DIPK1B: variants seen among roughly 807,000 people sequenced by gnomAD.
The protein encoded by DIPK1B is divergent protein kinase domain 1B, also known as family with sequence similarity 69 member B.
DIPK1B carries 17 observed loss-of-function variants against 20.7 expected under a neutral mutation model. The observed-to-expected ratio is 0.82, with a 90% CI of 0.56 to 1.23. The LOEUF (loss-of-function observed/expected upper bound fraction) is 1.23, where lower values mean the gene tolerates loss of function less well. DIPK1B is among the 50% of genes most tolerant of loss of function. The pLI, the probability that DIPK1B is intolerant of heterozygous loss-of-function variation, is 0.00. For synonymous variants in DIPK1B, 343 were observed against 276.5 expected, an observed-to-expected ratio of 1.24 and a Z score of -2.39; for missense variants, 648 against 601.8, an observed-to-expected ratio of 1.08 and a Z score of -0.80.
At chr9:136,717,829 G>A in intron 2 of DIPK1B, 118 bp downstream of exon 2, 3 of 1,474,128 alleles carry the variant, frequency 2.0e-6, no homozygotes, top group Middle Eastern at 1.8e-4. Flanking sequence ...AGGCACGTGG[G>A]TTTCTAGGTG....
chr9:136,718,292 C>T (rs549407720), intron 2 of DIPK1B, among the ~76,000 whole-genome samples: 2 of 151,746 alleles, frequency 1.3e-5, no homozygotes, highest in East Asian at 1.9e-4. Flanking sequence ...TAGAGACCCC[C>T]GTGTGCTGGC....
At chr9:136,713,699 G>C (rs1190725781) in intron 1 of DIPK1B, among the ~76,000 whole-genome samples, 2 of 152,258 alleles carry the variant, frequency 1.3e-5, no homozygotes, top group African/African-American at 2.4e-5. Context: ...TCGACCAGCA[G>C]CTGCAGAAGA....
intron 1 of DIPK1B, among the ~76,000 whole-genome samples, chr9:136,717,354 C>T (rs1455142964): frequency 2.6e-5 from 4 of 152,214 alleles, no homozygotes; most frequent in Non-Finnish European, 4.4e-5. Flanking sequence ...CCCCCACCTC[C>T]GGCCCCTGCA....
At chr9:136,715,405 A>G (rs1299733303) in intron 1 of DIPK1B, among the ~76,000 whole-genome samples, 1 of 152,152 alleles carries the variant, frequency 6.6e-6, no homozygotes, top group Non-Finnish European at 1.5e-5. Context: ...GCCGGTAGGG[A>G]AACCAAGGCA....
intron 2 of DIPK1B, 22 bp downstream of exon 2, chr9:136,717,733 TG>T (rs1846520617): frequency 1.2e-6 from 2 of 1,609,972 alleles, no homozygotes; most frequent in Non-Finnish European, 1.7e-6. Flanking sequence ...TTGTGCGGGC[TG>T]GGGACTGGGC....
At chr9:136,718,570 C>G (rs996694913) in intron 2 of DIPK1B, among the ~76,000 whole-genome samples, 1 of 152,196 alleles carries the variant, frequency 6.6e-6, no homozygotes, top group African/African-American at 2.4e-5. Flanking sequence ...CTGGGCAGGT[C>G]CCCCACTGAA....
Position 136,723,339 on chromosome 9 carries a change from C to T in DIPK1B, c.861C>T (p.His287=), listed in dbSNP as rs768146053. 49 of 1,613,224 alleles carry T rather than the reference C, an allele frequency of 3.0e-5. No individual in the cohort carries two copies. The East Asian group carries it at 8.5e-4, about 28-fold the overall frequency. Residue 287 remains histidine, a synonymous_variant, in exon 5 of 5, where the codon CAC becomes CAT. Coordinates refer to ENST00000371692, the MANE Select transcript of DIPK1B (RefSeq NM_152421.4). ...GLLEFVEELF[H]GSYGTFYMCE... The stretch of plus-strand genomic sequence containing the variant: ...TGGAGTTCGTGGAGGAGCTCTTCCA[C>T]GGCTCTTACGGGACTTTCTACATGT...
intron 2 of DIPK1B, among the ~76,000 whole-genome samples, chr9:136,720,033 C>T (rs1392309495): frequency 1.4e-5 from 2 of 140,398 alleles, no homozygotes; most frequent in Non-Finnish European, 3.1e-5. Flanking sequence ...GTTCCAGGCG[C>T]AGGGGCTGGT....
rs541805993 is a variant in DIPK1B, at chr9:136,721,625, G to A, written c.199-296G>A. ...CCCTGGCGTGGGGTCGACACTGGGT[G>A]TGGTGTGTGTCTCATGTCCAGGCAG... On this transcript the variant is annotated intron_variant, in intron 2 of 4. Coordinates refer to ENST00000371692, the MANE Select transcript of DIPK1B (RefSeq NM_152421.4). The A allele has an allele frequency of 2.0e-5, 8 of 394,524 alleles. No homozygotes were observed. In the East Asian group the frequency reaches 4.0e-4, roughly 20 times the overall value. 24.4% of individuals were successfully genotyped at this position (394,524 alleles called of 1,614,324 possible). A position where few individuals can be genotyped will look rare whatever the true frequency, so the allele number is the denominator to read the frequency against.
intron 1 of DIPK1B, among the ~76,000 whole-genome samples, chr9:136,714,870 G>A (rs1002723843): frequency 9.9e-5 from 15 of 152,208 alleles, no homozygotes; most frequent in Non-Finnish European, 1.8e-4. Flanking sequence ...AGTGGATGCC[G>A]GGGAAGCAGG....
chr9:136,723,464 T>G lies in DIPK1B; in HGVS notation c.986T>G (p.Leu329Arg). 6.2e-7 allele frequency: 1 copy of G among 1,610,462 alleles called. No individual in the cohort carries two copies. ...VAPEATVRRF[L>R]QGRRCEHSTD... ...CCCGAGGCCACCGTGCGCCGCTTCC[T>G]GCAGGGCCGCCGCTGCGAGCACAGC... Residue 329 changes from leucine to arginine, a missense_variant, in exon 5 of 5, where the codon CTG becomes CGG. Physicochemically the swap from Leu to Arg is moderately radical, Grantham distance 102. Coordinates refer to ENST00000371692, the MANE Select transcript of DIPK1B (RefSeq NM_152421.4).
At chr9:136,719,267 C>CA (rs1846552033) in intron 2 of DIPK1B, among the ~76,000 whole-genome samples, 1 of 152,256 alleles carries the variant, frequency 6.6e-6, no homozygotes, top group African/African-American at 2.4e-5. Context: ...GAAGCTGCAG[C>CA]GTCGGTTTCC....
In DIPK1B at chr9:136,723,090, C is replaced by G. The variant is rs941082974; in HGVS notation, c.612C>G (p.Asn204Lys). The G allele has an allele frequency of 6.2e-7, 1 of 1,613,612 alleles. No individual in the cohort carries two copies. Among genetic ancestry groups the G allele is most frequent in the Non-Finnish European group, 8.5e-7 (1 of 1,180,036 alleles). The change falls in exon 5 of 5, where the codon AAC (asparagine) becomes AAG (lysine). Residue 204 changes from asparagine to lysine, a missense_variant. By Grantham distance (94) the Asn-to-Lys change is moderately conservative. Coordinates refer to ENST00000371692, the MANE Select transcript of DIPK1B (RefSeq NM_152421.4). ...AKSVWALLQRNEFLLLLSLQE... is the reference protein window; with the variant it reads ...AKSVWALLQRKEFLLLLSLQE... ...CCGTGTGGGCCCTGCTGCAGCGTAA[C>G]GAGTTCCTGCTGCTGCTGTCCCTGC...
In DIPK1B at chr9:136,722,106, CCT is replaced by C. The variant is rs1564310388; in HGVS notation, c.307-16_307-15del. Reference sequence around the variant, plus strand: ...GGGAGGGGGATGTCTGCACGGAGGACCTCTGTGGCCCTGTCCAGGTGTACAGC... The same window carrying C: ...GGGAGGGGGATGTCTGCACGGAGGACCTGTGGCCCTGTCCAGGTGTACAGC... On this transcript the variant is annotated splice_polypyrimidine_tract_variant and intron_variant, in intron 3 of 4. Coordinates refer to ENST00000371692, the MANE Select transcript of DIPK1B (RefSeq NM_152421.4). 3.7e-6 allele frequency: 6 copies of C among 1,613,568 alleles called. No homozygotes were observed. The highest frequency in any genetic ancestry group is 2.5e-6 in the Non-Finnish European group (3 of 1,179,866).
chr9:136,717,797 C>G, intron 2 of DIPK1B, 86 bp downstream of exon 2: 5 of 1,576,026 alleles, frequency 3.2e-6, no homozygotes, highest in Non-Finnish European at 4.3e-6. Flanking sequence ...AGACACCTTC[C>G]TCCCCAGACC....
chr9:136,718,891 G>A (rs899528346), intron 2 of DIPK1B, among the ~76,000 whole-genome samples: 11 of 152,308 alleles, frequency 7.2e-5, no homozygotes, highest in African/African-American at 2.6e-4. Context: ...TGTGGGGTCC[G>A]GAGCTAGGAG....
chr9:136,723,264 G>A lies in DIPK1B; in HGVS notation c.786G>A (p.Gln262=). Residue 262 remains glutamine, a synonymous_variant, in exon 5 of 5, where the codon CAG becomes CAA. Transcript: ENST00000371692. ...CTGCCCTGCAGGGTGCTCTCCAGCA[G>A]TGGCTGGGGCCTGCGTGGCCTTGGC... ...LPPALQGALQ[Q]WLGPAWPWRA... is the part of the protein sequence containing the mutation. 1 of 1,612,686 alleles carries A rather than the reference G, an allele frequency of 6.2e-7. No individual in the cohort carries two copies. The highest frequency in any genetic ancestry group is 2.2e-5 in the East Asian group (1 of 44,884).
intron 4 of DIPK1B, chr9:136,722,580 G>A (rs1033325589): frequency 1.1e-5 from 6 of 569,506 alleles, no homozygotes; most frequent in South Asian, 2.1e-5. Context: ...CAGGTGCCCC[G>A]AATGGAGACC....
At position 136,721,907 on chromosome 9, in the gene DIPK1B, A is replaced by G. The variant is rs1359525282; in HGVS notation, c.199-14A>G. ...TGGCTGCCCCGCCCGGCACGCCTGC[A>G]CCTGTCTCCTCAGTGTGACCAGTAC... On this transcript the variant is annotated splice_polypyrimidine_tract_variant and intron_variant, in intron 2 of 4. Transcript: ENST00000371692. 1 of 1,611,692 alleles carries G rather than the reference A, an allele frequency of 6.2e-7. No individual in the cohort carries two copies. The highest frequency in any genetic ancestry group is 8.5e-7 in the Non-Finnish European group (1 of 1,179,448).
Sources: gnomAD v4.1 joint callset for allele counts (sites outside exome capture counted in the v4.1 genomes callset) on GRCh38, gnomAD v4.1.1 for gene constraint, MANE v1.5 for transcripts, NCBI Gene and HGNC (gene_info 2026-07-23, HGNC 2026-07-21) for gene names.